KLHL32: variants seen among roughly 807,000 people sequenced by gnomAD.
KLHL32 encodes kelch like family member 32.
A neutral mutation model predicts 64.8 loss-of-function variants in KLHL32; 35 were observed. The observed-to-expected ratio is 0.54, with a 90% CI of 0.41 to 0.72. The LOEUF is 0.72. Among genes scored for constraint, KLHL32 ranks in the 30% least tolerant of loss-of-function variants. The pLI is 0.00. For synonymous variants in KLHL32, 259 were observed against 281.0 expected (o/e 0.92, Z 0.78); for missense variants, 589 against 768.5 (o/e 0.77, Z 2.76).
At chr6:96,907,036 C>T in the KLHL32 span, among the ~76,000 whole-genome samples, 1 of 152,142 alleles carries the variant, frequency 6.6e-6, no homozygotes, top group Non-Finnish European at 1.5e-5. Context: ...ATGTACCTAG[C>T]TAGCTGCATT....
At chr6:96,915,326 CA>C in the KLHL32 span, among the ~76,000 whole-genome samples, 1 of 151,918 alleles carries the variant, frequency 6.6e-6, no homozygotes, top group East Asian at 1.9e-4. Flanking sequence ...GTAAAAGGCA[CA>C]AAAAAAGATA....
At chr6:96,944,247 G>A (rs1386991388) in intron 1 of KLHL32, among the ~76,000 whole-genome samples, 2 of 152,116 alleles carry the variant, frequency 1.3e-5, no homozygotes, top group African/African-American at 4.8e-5. Context: ...ATGAATTCAA[G>A]GTATCAGAAT....
chr6:97,017,436 G>A (rs1316823337), intron 3 of KLHL32, among the ~76,000 whole-genome samples: 1 of 152,198 alleles, frequency 6.6e-6, no homozygotes, highest in African/African-American at 2.4e-5. Flanking sequence ...GAGGTTTGCT[G>A]GTAGCATTCC....
intron 2 of KLHL32, among the ~76,000 whole-genome samples, chr6:96,974,227 A>G (rs186064177): frequency 1.3e-4 from 20 of 152,318 alleles, no homozygotes; most frequent in African/African-American, 4.8e-4. Flanking sequence ...GGACACGGTA[A>G]GCACTATGTG....
At chr6:97,119,345 C>T (rs1405717543) in intron 7 of KLHL32, among the ~76,000 whole-genome samples, 1 of 152,100 alleles carries the variant, frequency 6.6e-6, no homozygotes, top group East Asian at 1.9e-4. Flanking sequence ...GAAGATCTTT[C>T]CTTTGGTTTC....
chr6:97,015,005 T>G (rs1176553832), intron 3 of KLHL32, among the ~76,000 whole-genome samples: 2 of 152,046 alleles, frequency 1.3e-5, no homozygotes, highest in Non-Finnish European at 2.9e-5. Context: ...AGTGAGGGAG[T>G]TCTCAGGAGA....
chr6:97,081,050 G>A (rs568107688), intron 5 of KLHL32, among the ~76,000 whole-genome samples: 1 of 152,276 alleles, frequency 6.6e-6, no homozygotes. Context: ...GAGGCCAACA[G>A]ATCAGGAGAC....
chr6:96,975,845 G>T, intron 2 of KLHL32, 152 bp from the exon 3 acceptor site: 1 of 467,216 alleles, frequency 2.1e-6, no homozygotes, highest in Non-Finnish European at 3.6e-6. Context: ...CAAGAGAATG[G>T]TGGAGAGAAA....
At chr6:96,972,965 C>T (rs1775274119) in intron 2 of KLHL32, among the ~76,000 whole-genome samples, 1 of 152,186 alleles carries the variant, frequency 6.6e-6, no homozygotes, top group African/African-American at 2.4e-5. Flanking sequence ...TACAAATTTA[C>T]ATCCAAGAGT....
Position 97,064,714 on chromosome 6 carries a change from C to T in KLHL32, c.399C>T (p.His133=). The T allele has an allele frequency of 6.2e-7, 1 of 1,613,208 alleles. No individual in the cohort carries two copies. Among genetic ancestry groups the T allele is most frequent in the Non-Finnish European group, 8.5e-7 (1 of 1,179,122 alleles). ...TGGAGCTTCTCAATTTATGCTCCCA[C>T]TATCTCATCCAGGTATGTGAGCTTG... The part of the protein sequence containing the change: ...QLLELLNLCS[H]YLIQELNSFN... The change falls in exon 5 of 11, where the codon CAC becomes CAT. Residue 133 remains histidine (H), a synonymous_variant. Coordinates refer to ENST00000369261, the MANE Select transcript of KLHL32 (RefSeq NM_052904.4).
At chr6:96,914,010 A>C in the KLHL32 span, among the ~76,000 whole-genome samples, 1 of 152,216 alleles carries the variant, frequency 6.6e-6, no homozygotes, top group African/African-American at 2.4e-5. Flanking sequence ...ACCGTCCTTA[A>C]AAGTGGAAGA....
intron 6 of KLHL32, among the ~76,000 whole-genome samples, chr6:97,089,336 T>C (rs1339400727): frequency 1.3e-5 from 2 of 152,254 alleles, no homozygotes; most frequent in Admixed American, 1.3e-4. Context: ...AGCTAGATTC[T>C]GGGGTAAAAT....
Position 97,097,788 on chromosome 6 carries a change from A to G in KLHL32, c.627+12447A>G, listed in dbSNP as rs60905639. ...GTTTCCATTCCGATTGTGCAGTGGGAAAGTATAAACGACAGGGATACTTTA... is the reference window on the plus strand; with the variant it reads ...GTTTCCATTCCGATTGTGCAGTGGGGAAGTATAAACGACAGGGATACTTTA... On this transcript the variant is annotated intron_variant, in intron 6 of 10. Coordinates refer to ENST00000369261, the MANE Select transcript of KLHL32 (RefSeq NM_052904.4). 8.2e-3 allele frequency among the ~76,000 whole-genome samples: 1,251 copies of G among 152,326 alleles called. 19 individuals carry two copies. The highest frequency in any genetic ancestry group is 0.028 in the African/African-American group (1,167 of 41,556).
chr6:97,132,790 A>G, intron 10 of KLHL32, 43 bp downstream of exon 10: 1 of 1,392,242 alleles, frequency 7.2e-7, no homozygotes, highest in Non-Finnish European at 1.0e-6. Flanking sequence ...CAAGTGGTTC[A>G]GCGAGGTTAC....
At chr6:96,982,315 G>A (rs1166275352) in intron 3 of KLHL32, among the ~76,000 whole-genome samples, 1 of 152,076 alleles carries the variant, frequency 6.6e-6, no homozygotes, top group African/African-American at 2.4e-5. Flanking sequence ...GCCCTTCTTT[G>A]TCTTCTTTTA....
At chr6:97,062,217 A>G (rs1789024983) in intron 4 of KLHL32, 3 of 152,334 alleles carry the variant, frequency 2.0e-5, no homozygotes, top group Admixed American at 2.0e-4. Context: ...TGTGTTTGCT[A>G]TTAGTGAGCC....
intron 3 of KLHL32, among the ~76,000 whole-genome samples, chr6:96,989,371 G>A (rs1322389011): frequency 2.6e-5 from 4 of 152,086 alleles, no homozygotes; most frequent in Admixed American, 2.0e-4. Context: ...GAGTTTGGCT[G>A]GATATGAATT....
intron 7 of KLHL32, among the ~76,000 whole-genome samples, chr6:97,116,019 G>A (rs1041588341): frequency 2.0e-5 from 3 of 152,056 alleles, no homozygotes; most frequent in African/African-American, 7.3e-5. Context: ...TCAATAACCA[G>A]GAAGATAGTC....
intron 5 of KLHL32, among the ~76,000 whole-genome samples, chr6:97,076,844 T>G (rs1354666819): frequency 1.3e-5 from 2 of 151,856 alleles, no homozygotes; most frequent in Non-Finnish European, 2.9e-5. Flanking sequence ...ATTAAATAAA[T>G]GTATTAATAT....
Sources: gnomAD v4.1 joint callset for allele counts (sites outside exome capture counted in the v4.1 genomes callset) on GRCh38, gnomAD v4.1.1 for gene constraint, MANE v1.5 for transcripts, NCBI Gene and HGNC (gene_info 2026-07-23, HGNC 2026-07-21) for gene names.